CEP72: variants seen among roughly 807,000 people sequenced by gnomAD.
CEP72 encodes the protein centrosomal protein 72, also known as centrosomal protein of 72 kDa.
A neutral mutation model predicts 65.7 loss-of-function variants in CEP72; 78 were observed. The ratio of observed to expected loss-of-function variants is 1.19; its 90% CI spans 0.99 to 1.43. The LOEUF is 1.43. CEP72 is among the 40% of genes most tolerant of loss of function. The pLI is 0.00. For missense variants in CEP72, 914 were observed against 832.9 expected, an observed-to-expected ratio of 1.10 and a Z score of -1.20; for synonymous variants, 358 against 351.7, an observed-to-expected ratio of 1.02 and a Z score of -0.20.
downstream of CEP72, among the ~76,000 whole-genome samples, chr5:657,705 T>G (rs1461051648): frequency 6.6e-6 from 1 of 152,124 alleles, no homozygotes; most frequent in Non-Finnish European, 1.5e-5. Flanking sequence ...CAACAGCCTG[T>G]GTGTGGGACT....
intron 1 of CEP72, among the ~76,000 whole-genome samples, chr5:614,127 GAT>G (rs1735847590): frequency 2.0e-4 from 31 of 152,156 alleles, no homozygotes; most frequent in Admixed American, 2.0e-3. Flanking sequence ...GAATGTTATT[GAT>G]AGTTTCAAAG....
At chr5:616,479 T>C (rs1248155434) in intron 1 of CEP72, among the ~76,000 whole-genome samples, 1 of 152,210 alleles carries the variant, frequency 6.6e-6, no homozygotes, top group African/African-American at 2.4e-5. Context: ...TGATTGACTG[T>C]GTTTTCTCAT....
At chr5:646,354 T>C (rs559074790) in intron 10 of CEP72, among the ~76,000 whole-genome samples, 2 of 152,360 alleles carry the variant, frequency 1.3e-5, no homozygotes, top group South Asian at 4.1e-4. Context: ...AGGGATGTTC[T>C]TGCGCCCTAA....
chr5:612,483 C>CGGG, intron 1 of CEP72, 40 bp downstream of exon 1: 1 of 474,588 alleles, frequency 2.1e-6, no homozygotes, highest in Admixed American at 4.7e-5. Flanking sequence ...CGTGAGGTGG[C>CGGG]GGGGGGGTGG....
At chr5:648,904 T>G (rs1433220172) in intron 11 of CEP72, among the ~76,000 whole-genome samples, 4 of 113,578 alleles carry the variant, frequency 3.5e-5, no homozygotes, top group African/African-American at 1.1e-4. Flanking sequence ...GCGTGGACTG[T>G]GAGGGGTGAC....
intron 3 of CEP72, chr5:665,457 C>A: frequency 1.4e-6 from 1 of 703,096 alleles, no homozygotes; most frequent in Non-Finnish European, 2.3e-6. Context: ...TTTTACCTCT[C>A]CTGACCCTGG....
downstream of CEP72, among the ~76,000 whole-genome samples, chr5:668,280 C>A (rs60443587): frequency 2.0e-5 from 1 of 49,258 alleles, no homozygotes; most frequent in Admixed American, 2.1e-4. Flanking sequence ...GAGGGGTCCG[C>A]GTGGGCGCCG....
intron 1 of CEP72, chr5:663,265 G>T (rs956389346): frequency 6.6e-6 from 1 of 152,404 alleles, no homozygotes; most frequent in Non-Finnish European, 1.5e-5. Context: ...GTTTCCGCAC[G>T]TTAGTTCTGC....
At chr5:613,647 A>T (rs1265596831) in intron 1 of CEP72, among the ~76,000 whole-genome samples, 2 of 152,192 alleles carry the variant, frequency 1.3e-5, no homozygotes, top group African/African-American at 4.8e-5. Flanking sequence ...GATTACAGGC[A>T]TGAGCCACCT....
rs1293170932 is a variant in CEP72, at chr5:645,697, A to G, written c.1666+1272A>G. On this transcript the variant is annotated intron_variant, in intron 10 of 11. Transcript: ENST00000264935. This position sits in a 1 kb window ranked among gnomAD's most constrained non-coding sequence, Gnocchi z 4.0. Reference sequence around the variant, plus strand: ...GCTCCACGCCCTGAGCTGCTGGGATAGGCTGCAGCCACCTCTGCCCCTGAA... The same window carrying G: ...GCTCCACGCCCTGAGCTGCTGGGATGGGCTGCAGCCACCTCTGCCCCTGAA... 1.3e-5 allele frequency among the ~76,000 whole-genome samples: 2 copies of G among 152,252 alleles called. No individual in the cohort carries two copies. Among genetic ancestry groups the G allele is most frequent in the Admixed American group, 1.3e-4 (2 of 15,288 alleles).
At chr5:625,779 C>T (rs769761219) in intron 4 of CEP72, among the ~76,000 whole-genome samples, 4 of 152,112 alleles carry the variant, frequency 2.6e-5, no homozygotes, top group Non-Finnish European at 4.4e-5. Context: ...TCTACGCAGC[C>T]GCTGGCGTTG....
intron 6 of CEP72, among the ~76,000 whole-genome samples, chr5:636,292 T>A (rs928406636): frequency 9.2e-5 from 14 of 152,268 alleles, no homozygotes; most frequent in Non-Finnish European, 2.1e-4. Context: ...TTATAATCCA[T>A]TCATGGTTTA....
Position 644,567 on chromosome 5 carries a change from C to T in CEP72, c.1666+142C>T, listed in dbSNP as rs141566778. 564 of 971,624 alleles carry T rather than the reference C, an allele frequency of 5.8e-4. 2 individuals carry two copies. The African/African-American group carries it at 8.2e-3, about 14-fold the overall frequency. The allele number at this position is 971,624 out of a possible 1,614,324, so 60.2% of individuals were successfully genotyped here. On this transcript the variant is annotated intron_variant, in intron 10 of 11. Coordinates refer to ENST00000264935, the MANE Select transcript of CEP72 (RefSeq NM_018140.4). Reference sequence around the variant, plus strand: ...AGTGGGGAGCCGAGCCCCTGCCTCACTGGCTGGGGTGGAGGCTGCCTCGGC... The same window carrying T: ...AGTGGGGAGCCGAGCCCCTGCCTCATTGGCTGGGGTGGAGGCTGCCTCGGC...
chr5:669,791 AG>A (rs1740137072), downstream of CEP72, among the ~76,000 whole-genome samples: 1 of 151,998 alleles, frequency 6.6e-6, no homozygotes, highest in African/African-American at 2.4e-5. Flanking sequence ...AGCTCTCCCC[AG>A]GAGACCCGGG....
downstream of CEP72, among the ~76,000 whole-genome samples, chr5:655,182 G>A (rs1264116072): frequency 1.3e-5 from 2 of 152,040 alleles, no homozygotes; most frequent in African/African-American, 4.8e-5. The surrounding 1 kb of genome is among the most constrained non-coding windows in gnomAD (Gnocchi z 5.0). Flanking sequence ...CCAACATGGC[G>A]AAACTCCATC....
downstream of CEP72, among the ~76,000 whole-genome samples, chr5:670,259 ATGCCCTCCCATGG>A (rs954871046): frequency 2.4e-4 from 37 of 152,118 alleles, no homozygotes; most frequent in African/African-American, 8.9e-4. Flanking sequence ...TGAATCAGGA[ATGCCCTCCCATGG>A]TGCCCTCTCT....
chr5:655,323 C>T (rs113896354), downstream of CEP72: 20,397 of 151,854 alleles, frequency 0.13, 1,751 homozygotes, highest in Admixed American at 0.19. The surrounding 1 kb of genome is among the most constrained non-coding windows in gnomAD (Gnocchi z 5.0). Context: ...TGCAGCACTG[C>T]ACTCCAGCCT....
chr5:657,317 G>A (rs1231814196), downstream of CEP72, among the ~76,000 whole-genome samples: 3 of 152,050 alleles, frequency 2.0e-5, no homozygotes, highest in Non-Finnish European at 4.4e-5. Context: ...CTGAGCACTG[G>A]GTAGCTGCGT....
chr5:620,463 T>C (rs1348138661), intron 3 of CEP72, among the ~76,000 whole-genome samples: 2 of 152,298 alleles, frequency 1.3e-5, no homozygotes, highest in Non-Finnish European at 2.9e-5. Flanking sequence ...GGGCTGGAAG[T>C]TGAGCACCCT....
Sources: gnomAD v4.1 joint callset for allele counts (sites outside exome capture counted in the v4.1 genomes callset) on GRCh38, gnomAD v4.1.1 for gene constraint, Gnocchi (gnomAD v3.1) non-coding constraint, MANE v1.5 for transcripts, NCBI Gene and HGNC (gene_info 2026-07-23, HGNC 2026-07-21) for gene names.